The following PCGF5 variants were observed in gnomAD, a reference collection of about 807,000 sequenced individuals.
PCGF5 encodes polycomb group ring finger 5.
A neutral mutation model predicts 44.3 loss-of-function variants in PCGF5; 9 were observed. That is an observed-to-expected ratio of 0.20 (90% CI 0.12 to 0.35). The LOEUF (loss-of-function observed/expected upper bound fraction) is 0.35, where lower values mean the gene tolerates loss of function less well. Ranked by LOEUF, PCGF5 falls within the 10% of genes least tolerant of loss-of-function variation. The pLI, the probability that PCGF5 is intolerant of heterozygous loss-of-function variation, is 1.00. For missense variants in PCGF5, 146 were observed against 305.3 expected, an observed-to-expected ratio of 0.48 and a Z score of 3.89; for synonymous variants, 95 against 102.5, an observed-to-expected ratio of 0.93 and a Z score of 0.44.
chr10:91,243,024 A>G (rs1372852004), intron 3 of PCGF5, among the ~76,000 whole-genome samples: 1 of 152,202 alleles, frequency 6.6e-6, no homozygotes, highest in Non-Finnish European at 1.5e-5. Flanking sequence ...GATATCCTGT[A>G]TCTTTGACAG....
intron 8 of PCGF5, among the ~76,000 whole-genome samples, chr10:91,267,629 C>T (rs1846078632): frequency 6.6e-6 from 1 of 152,030 alleles, no homozygotes; most frequent in Non-Finnish European, 1.5e-5. Flanking sequence ...AATTTTTGTT[C>T]AACTTCCAAT....
chr10:91,204,910 T>C (rs1261157294), intron 1 of PCGF5, among the ~76,000 whole-genome samples: 1 of 152,230 alleles, frequency 6.6e-6, no homozygotes, highest in African/African-American at 2.4e-5. Flanking sequence ...TTAACTTCTT[T>C]CTCATAAAAT....
chr10:91,190,914 A>G (rs1844020889), intron 1 of PCGF5, among the ~76,000 whole-genome samples: 1 of 152,180 alleles, frequency 6.6e-6, no homozygotes. Flanking sequence ...TATCTTATTT[A>G]TTCTTCCCTT....
At chr10:91,157,564 TG>T in the PCGF5 span, among the ~76,000 whole-genome samples, 1 of 152,122 alleles carries the variant, frequency 6.6e-6, no homozygotes, top group African/African-American at 2.4e-5. Flanking sequence ...CCCTGATTCA[TG>T]GGAAAATTCA....
Position 91,230,814 on chromosome 10 carries a change from G to T in PCGF5, c.112+7831G>T, listed in dbSNP as rs544296068. On this transcript the variant is annotated intron_variant, in intron 2 of 9. Transcript: ENST00000336126. ...TTTTTTGTATTTTGTGTAGAGACGGGGTTTGGCCATGTTGCCCAGCCTGGT... is the reference window on the plus strand; with the variant it reads ...TTTTTTGTATTTTGTGTAGAGACGGTGTTTGGCCATGTTGCCCAGCCTGGT... Among the ~76,000 whole-genome samples, 219 of 152,174 alleles carry T rather than the reference G, an allele frequency of 1.4e-3. 2 individuals carry two copies. The highest frequency in any genetic ancestry group is 5.0e-3 in the African/African-American group (207 of 41,516).
chr10:91,163,057 C>T (rs1167115615), exon 1 of PCGF5: 1 of 148,636 alleles, frequency 6.7e-6, no homozygotes, highest in Non-Finnish European at 1.5e-5. Context: ...GCGGCCCGCC[C>T]GGATCGTGGC....
chr10:91,244,028 A>G (rs1845396769), intron 3 of PCGF5, among the ~76,000 whole-genome samples: 1 of 152,228 alleles, frequency 6.6e-6, no homozygotes, highest in African/African-American at 2.4e-5. Context: ...CCATTCGCAG[A>G]CAAAATAAAG....
chr10:91,156,864 T>C, the PCGF5 span, among the ~76,000 whole-genome samples: 1 of 152,196 alleles, frequency 6.6e-6, no homozygotes, highest in South Asian at 2.1e-4. Flanking sequence ...AAAAATGGTT[T>C]TCTCCTCTCT....
At chr10:91,188,421 T>C (rs916651761) in intron 1 of PCGF5, among the ~76,000 whole-genome samples, 9 of 152,188 alleles carry the variant, frequency 5.9e-5, no homozygotes, top group African/African-American at 2.2e-4. Context: ...ATGAAGACCC[T>C]AGAAGCAGAA....
At chr10:91,175,453 C>T (rs771863423) in intron 1 of PCGF5, among the ~76,000 whole-genome samples, 17 of 152,016 alleles carry the variant, frequency 1.1e-4, no homozygotes, top group East Asian at 1.9e-4. Flanking sequence ...ATTTGAGGTC[C>T]GACAATGAAA....
chr10:91,217,551 T>C (rs1844566563), upstream of PCGF5, among the ~76,000 whole-genome samples: 1 of 152,168 alleles, frequency 6.6e-6, no homozygotes, highest in Non-Finnish European at 1.5e-5. Context: ...ATTTGTTAGG[T>C]ATACAGATAG....
rs147264405 is a variant in PCGF5, at chr10:91,197,850, C to T, written c.-183-24839C>T. Among the ~76,000 whole-genome samples the T allele has an allele frequency of 4.8e-3, 733 of 152,258 alleles. 8 individuals carry two copies. The highest frequency in any genetic ancestry group is 0.016 in the African/African-American group (680 of 41,546). On this transcript the variant is annotated intron_variant, in intron 1 of 9. Transcript: ENST00000614189. The stretch of plus-strand genomic sequence containing the variant: ...TTAAAAACACTTATTTAAAAACAGA[C>T]GTTCCAAGGAAATAGAAACAAGATT...
rs893859782 is a variant in PCGF5, at chr10:91,279,191, C to T, written c.*875C>T. On this transcript the variant is annotated 3_prime_UTR_variant, in exon 10 of 10. Transcript: ENST00000336126. Reference sequence around the variant, plus strand: ...CATTGTTGCTGTTATTTAATGAGTGCATTATTTCTCTTTTTAAGTTGGCCT... The same window carrying T: ...CATTGTTGCTGTTATTTAATGAGTGTATTATTTCTCTTTTTAAGTTGGCCT... The T allele has an allele frequency of 6.6e-6, 1 of 152,050 alleles. No homozygotes were observed. Among genetic ancestry groups the T allele is most frequent in the Non-Finnish European group, 1.5e-5 (1 of 67,998 alleles). The allele number at this position is 152,050 out of a possible 1,614,324, so 9.4% of individuals were successfully genotyped here. A position where few individuals can be genotyped will look rare whatever the true frequency, so the allele number is the denominator to read the frequency against.
intron 1 of PCGF5, among the ~76,000 whole-genome samples, chr10:91,180,889 T>C (rs1468484862): frequency 6.6e-6 from 1 of 152,244 alleles, no homozygotes; most frequent in African/African-American, 2.4e-5. Flanking sequence ...CTGTGAAGAA[T>C]GTCAATGGTA....
chr10:91,164,976 C>G (rs1170638303), intron 1 of PCGF5, among the ~76,000 whole-genome samples: 1 of 152,228 alleles, frequency 6.6e-6, no homozygotes, highest in Non-Finnish European at 1.5e-5. Flanking sequence ...AACCCTAGCA[C>G]CTAGAACAGT....
chr10:91,271,514 AGT>A, intron 8 of PCGF5, 122 bp from the exon 9 acceptor site: 1 of 658,272 alleles, frequency 1.5e-6, no homozygotes. Flanking sequence ...TTTTTTGGAA[AGT>A]GTTTATTTAC....
chr10:91,227,940 A>G, intron 2 of PCGF5: 3 of 974,326 alleles, frequency 3.1e-6, no homozygotes, highest in Non-Finnish European at 3.7e-6. Context: ...TTAAATGAAT[A>G]AATGCATGGC....
rs552082001 is a variant in PCGF5 at position 91,265,324 on chromosome 10, A to G, written c.663+804A>G. ...ACTCATATATGACACTAAGGAATAT[A>G]GCAGTAATGCTATCAGAAATTATCT... On this transcript the variant is annotated intron_variant, in intron 8 of 9. Coordinates refer to ENST00000336126, the MANE Select transcript of PCGF5 (RefSeq NM_032373.5). Among the ~76,000 whole-genome samples the G allele has an allele frequency of 1.2e-4, 19 of 152,324 alleles. No homozygotes were observed. The East Asian group carries it at 3.1e-3, about 25-fold the overall frequency.
chr10:91,217,584 T>C (rs909281573), upstream of PCGF5, among the ~76,000 whole-genome samples: 2 of 152,200 alleles, frequency 1.3e-5, no homozygotes, highest in African/African-American at 4.8e-5. Context: ...CCAGGAGTTA[T>C]TAAGAGCCAT....
Sources: allele counts gnomAD v4.1 joint callset (sites outside exome capture counted in the v4.1 genomes callset), GRCh38; gene constraint gnomAD v4.1.1; transcripts MANE v1.5; gene names NCBI Gene and HGNC (gene_info 2026-07-23, HGNC 2026-07-21).